Variants in COL22A1 observed in about 807,000 individuals in gnomAD.
COL22A1 encodes collagen alpha-1(XXII) chain.
A neutral mutation model predicts 248.9 loss-of-function variants in COL22A1; 221 were observed. The observed-to-expected ratio is 0.89, with a 90% CI of 0.80 to 0.99. COL22A1 has a LOEUF of 0.99. COL22A1 is among the 50% of genes least tolerant of loss of function. The pLI is 0.00. For synonymous variants in COL22A1, 891 were observed against 793.4 expected (o/e 1.12, Z -2.07); for missense variants, 2,240 against 2,179.0 (o/e 1.03, Z -0.56).
chr8:138,762,808 C>A (rs940303975), intron 16 of COL22A1, among the ~76,000 whole-genome samples: 1 of 152,164 alleles, frequency 6.6e-6, no homozygotes, highest in Non-Finnish European at 1.5e-5. Flanking sequence ...GTCTGTAATG[C>A]AGTTCATAAA....
chr8:138,800,877 T>C (rs535208344), intron 11 of COL22A1, among the ~76,000 whole-genome samples: 1 of 152,326 alleles, frequency 6.6e-6, no homozygotes, highest in Admixed American at 6.5e-5. Context: ...TGGCATTTCC[T>C]ACACCTACTG....
intron 16 of COL22A1, among the ~76,000 whole-genome samples, chr8:138,774,741 A>C (rs912111787): frequency 1.3e-5 from 2 of 152,164 alleles, no homozygotes; most frequent in African/African-American, 4.8e-5. Flanking sequence ...AAAGTGAAAA[A>C]CTGGAAACAA....
rs548747209 is a variant in COL22A1 at position 138,722,195 on chromosome 8, A to C, written c.2248-106T>G. ...GCTGTTTTTGCAGCCAGAATGCAGGAGGCTCGGGCGTCTGCTCTTTGATTA... is the reference window on the plus strand; with the variant it reads ...GCTGTTTTTGCAGCCAGAATGCAGGCGGCTCGGGCGTCTGCTCTTTGATTA... On this transcript the variant is annotated intron_variant, in intron 25 of 64. Transcript: ENST00000303045. 3.0e-5 allele frequency: 27 copies of C among 907,620 alleles called. No homozygotes were observed. The Middle Eastern group carries it at 6.7e-4, about 22-fold the overall frequency. The allele number at this position is 907,620 out of a possible 1,614,324, so 56.2% of individuals were successfully genotyped here. A position where few individuals can be genotyped will look rare whatever the true frequency, so the allele number is the denominator to read the frequency against.
At position 138,655,987 on chromosome 8, in the gene COL22A1, A is replaced by T. The variant is rs369656445; in HGVS notation, c.3286-43T>A. 3.4e-6 allele frequency: 5 copies of T among 1,469,372 alleles called. No individual in the cohort carries two copies. In the African/African-American group the frequency reaches 7.0e-5, roughly 21 times the overall value. 91.0% of individuals were successfully genotyped at this position (1,469,372 alleles called of 1,614,324 possible). A position where few individuals can be genotyped will look rare whatever the true frequency, so the allele number is the denominator to read the frequency against. ...AACAAACACATACGTACATGCATAT[A>T]TACAATAAATCCCAGGCATCTTCAG... On this transcript the variant is annotated intron_variant, in intron 44 of 64. Transcript: ENST00000303045.
intron 1 of COL22A1, among the ~76,000 whole-genome samples, chr8:138,897,671 A>G (rs1188916167): frequency 6.6e-6 from 1 of 152,176 alleles, no homozygotes; most frequent in East Asian, 1.9e-4. Context: ...CCCATAGAGC[A>G]TATGTTTAAT....
At chr8:138,608,639 T>G (rs1818605869) in intron 56 of COL22A1, among the ~76,000 whole-genome samples, 1 of 152,168 alleles carries the variant, frequency 6.6e-6, no homozygotes, top group East Asian at 1.9e-4. Flanking sequence ...TGAATACATT[T>G]AACAAACAGG....
chr8:138,713,903 G>A (rs1829231901), intron 30 of COL22A1, among the ~76,000 whole-genome samples: 2 of 152,194 alleles, frequency 1.3e-5, no homozygotes, highest in African/African-American at 4.8e-5. Flanking sequence ...TGGCTCCTGA[G>A]TGGGGGCTGC....
intron 41 of COL22A1, among the ~76,000 whole-genome samples, chr8:138,664,288 C>T (rs1272557009): frequency 6.6e-6 from 1 of 150,724 alleles, no homozygotes; most frequent in Non-Finnish European, 1.5e-5. Flanking sequence ...GGTCTGGCAT[C>T]CTCCACTGTG....
chr8:138,701,139 A>G (rs775932985), intron 31 of COL22A1, among the ~76,000 whole-genome samples: 5 of 152,168 alleles, frequency 3.3e-5, no homozygotes, highest in African/African-American at 7.2e-5. Context: ...TGTCTTTTAA[A>G]TGTCGTGTCT....
chr8:138,743,534 G>T (rs1831868044), intron 22 of COL22A1, among the ~76,000 whole-genome samples: 1 of 152,102 alleles, frequency 6.6e-6, no homozygotes, highest in Non-Finnish European at 1.5e-5. Flanking sequence ...ATTGGTGGCA[G>T]TGGTGATAGT....
intron 4 of COL22A1, among the ~76,000 whole-genome samples, chr8:138,834,030 A>G (rs977809329): frequency 2.0e-5 from 3 of 152,180 alleles, no homozygotes; most frequent in Non-Finnish European, 2.9e-5. Context: ...CCCCACAACC[A>G]CCAGCACACG....
At chr8:138,771,518 C>T (rs115562607) in intron 16 of COL22A1, among the ~76,000 whole-genome samples, 2,377 of 152,248 alleles carry the variant, frequency 0.016, 61 homozygotes, top group African/African-American at 0.054. Flanking sequence ...TTGATAAAAC[C>T]GCAGTGTTCC....
chr8:138,650,170 T>C (rs1822573829), intron 45 of COL22A1, among the ~76,000 whole-genome samples: 1 of 152,222 alleles, frequency 6.6e-6, no homozygotes, highest in Non-Finnish European at 1.5e-5. Context: ...TAGCATGCTC[T>C]GTCCCTGATG....
chr8:138,663,565 T>G (rs971793260), intron 42 of COL22A1, 140 bp downstream of exon 42: 3 of 696,050 alleles, frequency 4.3e-6, no homozygotes, highest in Non-Finnish European at 5.2e-6. Context: ...AGTTCATAGG[T>G]TGGACAGTCT....
intron 41 of COL22A1, among the ~76,000 whole-genome samples, chr8:138,670,213 TC>T (rs989402019): frequency 6.6e-6 from 1 of 152,090 alleles, no homozygotes; most frequent in African/African-American, 2.4e-5. Flanking sequence ...AAAAACCAAC[TC>T]CTGGTTATAC....
At chr8:138,687,350 T>G (rs756468512) in intron 37 of COL22A1, among the ~76,000 whole-genome samples, 114 of 152,368 alleles carry the variant, frequency 7.5e-4, no homozygotes, top group Non-Finnish European at 9.3e-4. Context: ...CTAAGTTCTT[T>G]TTTTCTGGGA....
chr8:138,720,615 G>T, intron 27 of COL22A1, 124 bp downstream of exon 27: 1 of 795,132 alleles, frequency 1.3e-6, no homozygotes, highest in Non-Finnish European at 2.2e-6. Flanking sequence ...AGTATCTGAT[G>T]TGTCTCCTGC....
At chr8:138,851,251 A>T (rs1377453397) in intron 3 of COL22A1, among the ~76,000 whole-genome samples, 2 of 152,174 alleles carry the variant, frequency 1.3e-5, no homozygotes, top group Non-Finnish European at 2.9e-5. Context: ...AGACCAGTCC[A>T]CCCATGGGAA....
At chr8:138,689,881 G>A (rs990877607) in intron 36 of COL22A1, among the ~76,000 whole-genome samples, 10 of 152,186 alleles carry the variant, frequency 6.6e-5, no homozygotes, top group Non-Finnish European at 1.5e-4. Context: ...TGCTGGTGGT[G>A]CTGCTGGCCA....
Sources: gnomAD v4.1 joint callset for allele counts (sites outside exome capture counted in the v4.1 genomes callset) on GRCh38, gnomAD v4.1.1 for gene constraint, MANE v1.5 for transcripts, NCBI Gene and HGNC (gene_info 2026-07-23, HGNC 2026-07-21) for gene names.